HDAC8: variants seen among roughly 807,000 people sequenced by gnomAD.
HDAC8 encodes the protein histone deacetylase 8.
Under a neutral mutation model 32.2 loss-of-function variants are expected in HDAC8, and 1 was observed. The ratio of observed to expected loss-of-function variants is 0.03; its 90% CI spans 0.01 to 0.15. HDAC8 has a LOEUF of 0.15. HDAC8 is among the 10% of genes least tolerant of loss of function. The probability of loss-of-function intolerance (pLI) is 1.00; values close to 1 mark genes in which losing one functional copy is unlikely to be tolerated. For synonymous variants in HDAC8, 108 were observed against 113.9 expected, an observed-to-expected ratio of 0.95 and a Z score of 0.33; for missense variants, 117 against 300.0, an observed-to-expected ratio of 0.39 and a Z score of 4.51.
At chrX:72,498,733 G>C (rs1428684266) in intron 4 of HDAC8, among the ~76,000 whole-genome samples, 1 of 111,735 alleles carries the variant, frequency 8.9e-6, no homozygotes, top group Non-Finnish European at 1.9e-5. Flanking sequence ...TGTTATATCT[G>C]AGTCTTTTTT....
intron 7 of HDAC8, among the ~76,000 whole-genome samples, chrX:72,483,254 T>C (rs1158954499): frequency 9.0e-6 from 1 of 111,546 alleles, no homozygotes; most frequent in African/African-American, 3.3e-5. Context: ...CCAAATCTCA[T>C]GTTGAAATGT....
chrX:72,434,917 A>T (rs1406418911), intron 9 of HDAC8, among the ~76,000 whole-genome samples: 2 of 111,991 alleles, frequency 1.8e-5, no homozygotes, highest in African/African-American at 6.5e-5. Context: ...TGTTACTATG[A>T]TCCTTCCCTA....
chrX:72,542,400 T>A (rs782100529), intron 4 of HDAC8, among the ~76,000 whole-genome samples: 49 of 112,096 alleles, frequency 4.4e-4, no homozygotes, highest in African/African-American at 1.6e-3. Flanking sequence ...ACCACCCAGC[T>A]CAGAATAACA....
At chrX:72,365,147 C>G (rs1345556031) in intron 9 of HDAC8, among the ~76,000 whole-genome samples, 5 of 111,692 alleles carry the variant, frequency 4.5e-5, no homozygotes, top group Non-Finnish European at 7.5e-5. Flanking sequence ...GTTGAGCATG[C>G]CTAATCCCAA....
intron 4 of HDAC8, among the ~76,000 whole-genome samples, chrX:72,548,673 A>G (rs2050952007): frequency 9.5e-6 from 1 of 104,998 alleles, no homozygotes; most frequent in Admixed American, 1.0e-4. Context: ...TTTCTCAACC[A>G]TTTCTCTTCT....
intron 9 of HDAC8, among the ~76,000 whole-genome samples, chrX:72,434,782 T>A (rs984562853): frequency 8.9e-6 from 1 of 111,897 alleles, no homozygotes; most frequent in Non-Finnish European, 1.9e-5. Flanking sequence ...TTACTATATG[T>A]CAGCCACCAT....
intron 9 of HDAC8, among the ~76,000 whole-genome samples, chrX:72,393,221 G>A (rs1186158766): frequency 5.4e-5 from 6 of 111,720 alleles, no homozygotes; most frequent in Non-Finnish European, 9.4e-5. Context: ...TTCTGCCTCT[G>A]TTAGCTTGGG....
chrX:72,553,816 C>T (rs986721787), intron 4 of HDAC8, among the ~76,000 whole-genome samples: 1 of 112,155 alleles, frequency 8.9e-6, no homozygotes, highest in Non-Finnish European at 1.9e-5. Context: ...ATACGGAGGG[C>T]TGACTGTATT....
At chrX:72,525,736 C>A (rs2050125966) in intron 4 of HDAC8, among the ~76,000 whole-genome samples, 2 of 98,461 alleles carry the variant, frequency 2.0e-5, no homozygotes, top group Non-Finnish European at 4.0e-5. Context: ...ATGGCGTGAA[C>A]CCGGGAGGCG....
chrX:72,480,254 C>T (rs1047681415), intron 7 of HDAC8, among the ~76,000 whole-genome samples: 3 of 112,388 alleles, frequency 2.7e-5, no homozygotes, highest in Non-Finnish European at 3.8e-5. Flanking sequence ...AATCACTGGG[C>T]GACAGTGAGC....
chrX:72,329,553 T>C lies in HDAC8; in HGVS notation c.*501A>G, dbSNP rs970909111. 3.0e-5 allele frequency: 22 copies of C among 731,931 alleles called. No homozygotes were observed. The highest frequency in any genetic ancestry group is 4.0e-5 in the Non-Finnish European group (20 of 503,018). 60.3% of individuals were successfully genotyped at this position (731,931 alleles called of 1,213,427 possible). A position where few individuals can be genotyped will look rare whatever the true frequency, so the allele number is the denominator to read the frequency against. The stretch of plus-strand genomic sequence containing the variant: ...GATTTTATTAAAAAAACCAAAGATA[T>C]ATAACACTAAAACAACACCAGCGGA... On this transcript the variant is annotated 3_prime_UTR_variant, in exon 11 of 11. Coordinates refer to ENST00000373573, the MANE Select transcript of HDAC8 (RefSeq NM_018486.3).
chrX:72,410,944 C>T (rs2046174324), intron 9 of HDAC8, among the ~76,000 whole-genome samples: 1 of 111,256 alleles, frequency 9.0e-6, no homozygotes, highest in Non-Finnish European at 1.9e-5. Flanking sequence ...CCACCTCACT[C>T]TTCTCTCACT....
chrX:72,449,556 C>A (rs943090884), intron 9 of HDAC8, among the ~76,000 whole-genome samples: 3 of 110,255 alleles, frequency 2.7e-5, no homozygotes, highest in Non-Finnish European at 3.8e-5. Context: ...GCATGTCTCC[C>A]AGAACTTAAA....
intron 9 of HDAC8, among the ~76,000 whole-genome samples, chrX:72,378,482 A>G (rs190859953): frequency 1.8e-5 from 2 of 111,969 alleles, no homozygotes; most frequent in African/African-American, 6.5e-5. Context: ...GTGCTTCTTG[A>G]ACTTCCTAGC....
intron 4 of HDAC8, among the ~76,000 whole-genome samples, chrX:72,517,982 C>T (rs1477810254): frequency 9.0e-6 from 1 of 111,517 alleles, no homozygotes; most frequent in African/African-American, 3.3e-5. Flanking sequence ...GGAGTATTGC[C>T]ATCTTAACAA....
chrX:72,351,430 A>T (rs1256094679), intron 10 of HDAC8, among the ~76,000 whole-genome samples: 2 of 112,057 alleles, frequency 1.8e-5, no homozygotes, highest in African/African-American at 3.2e-5. Flanking sequence ...GTGCTTTACT[A>T]TTGGCCTTTT....
intron 9 of HDAC8, among the ~76,000 whole-genome samples, chrX:72,364,195 C>A (rs1555953572): frequency 9.0e-6 from 1 of 111,529 alleles, no homozygotes; most frequent in East Asian, 2.8e-4. Flanking sequence ...CTCTCCAGCA[C>A]ATGTCATCAC....
In HDAC8 at chrX:72,357,339, G is replaced by A. The variant is rs1445770925; in HGVS notation, c.1006-5501C>T. ...AGGTTGGGCCTACGACACAATGCAT[G>A]TCATAGATTTAGGAGTTACCAGCAA... is the stretch of plus-strand genomic sequence containing the variant. On this transcript the variant is annotated intron_variant, in intron 9 of 10. Coordinates refer to ENST00000373573, the MANE Select transcript of HDAC8 (RefSeq NM_018486.3). 3.7e-5 allele frequency among the ~76,000 whole-genome samples: 4 copies of A among 108,909 alleles called. No homozygotes were observed. In the East Asian group the frequency reaches 8.9e-4, roughly 24 times the overall value. The allele number at this position is 108,909 out of a possible 115,157, so 94.6% of individuals were successfully genotyped here. A position where few individuals can be genotyped will look rare whatever the true frequency, so the allele number is the denominator to read the frequency against.
At chrX:72,446,283 C>G (rs7885797) in intron 9 of HDAC8, among the ~76,000 whole-genome samples, 110 of 112,272 alleles carry the variant, frequency 9.8e-4, no homozygotes, top group Middle Eastern at 4.6e-3. Context: ...TTGGAACCAA[C>G]CCAAATGTTC....
Sources: allele counts gnomAD v4.1 joint callset (sites outside exome capture counted in the v4.1 genomes callset), GRCh38; gene constraint gnomAD v4.1.1; transcripts MANE v1.5; gene names NCBI Gene and HGNC (gene_info 2026-07-23, HGNC 2026-07-21).